ALG13: variants seen among roughly 807,000 people sequenced by gnomAD.
The protein encoded by ALG13 is UDP-N-acetylglucosamine transferase subunit ALG13.
ALG13 carries 11 observed loss-of-function variants against 87.8 expected under a neutral mutation model. That is an observed-to-expected ratio of 0.13 (90% confidence interval 0.08 to 0.21). ALG13 has a LOEUF of 0.21. ALG13 is among the 10% of genes least tolerant of loss of function. The probability of loss-of-function intolerance (pLI) is 1.00; values close to 1 mark genes in which losing one functional copy is unlikely to be tolerated. For missense variants in ALG13, 756 were observed against 866.1 expected, an observed-to-expected ratio of 0.87 and a Z score of 1.60; for synonymous variants, 320 against 306.3, an observed-to-expected ratio of 1.04 and a Z score of -0.47.
chrX:111,758,889 C>G (rs1334693189), intron 26 of ALG13, among the ~76,000 whole-genome samples: 1 of 111,570 alleles, frequency 9.0e-6, no homozygotes, highest in African/African-American at 3.3e-5. Flanking sequence ...CACCTGAGGT[C>G]AGGAGTTCGT....
At chrX:111,723,976 C>T in intron 14 of ALG13, 78 bp downstream of exon 14, 2 of 630,915 alleles carry the variant, frequency 3.2e-6, no homozygotes, top group Non-Finnish European at 4.8e-6. Context: ...TTGAGAATTA[C>T]CAGGATGCTA....
At chrX:111,698,262 G>A (rs1474718839) in intron 3 of ALG13, among the ~76,000 whole-genome samples, 1 of 111,884 alleles carries the variant, frequency 8.9e-6, no homozygotes, top group Non-Finnish European at 1.9e-5. Context: ...CGTCACAATT[G>A]TATATGCATT....
At chrX:111,689,421 T>A in intron 3 of ALG13, 1 of 752,931 alleles carries the variant, frequency 1.3e-6, no homozygotes, top group Non-Finnish European at 1.6e-6. Context: ...AGGCAAGGTC[T>A]ACTCAAATAT....
At chrX:111,689,322 AC>A (rs1284155011) in intron 3 of ALG13, 2 of 753,531 alleles carry the variant, frequency 2.7e-6, no homozygotes, top group African/African-American at 2.3e-5. Context: ...CCTCATAAAT[AC>A]GTTTTTCTCA....
chrX:111,730,224 A>G (rs1942523511), intron 19 of ALG13, among the ~76,000 whole-genome samples, 171 bp from the exon 20 acceptor site: 1 of 112,389 alleles, frequency 8.9e-6, no homozygotes, highest in Non-Finnish European at 1.9e-5. Context: ...CTGTGGCTTC[A>G]ATATCTGTTG....
chrX:111,685,999 T>C, intron 3 of ALG13: 2 of 362,242 alleles, frequency 5.5e-6, no homozygotes, highest in Non-Finnish European at 8.7e-6. Context: ...TATTCATGTT[T>C]ATTGAGAAGC....
At chrX:111,711,518 G>C (rs1043221255) in intron 5 of ALG13, among the ~76,000 whole-genome samples, 157 bp from the exon 6 acceptor site, 1 of 112,057 alleles carries the variant, frequency 8.9e-6, no homozygotes, top group South Asian at 3.6e-4. Context: ...CATGACTTTT[G>C]TGTATGTGCA....
chrX:111,752,701 C>A, intron 24 of ALG13, 89 bp from the exon 25 acceptor site: 2 of 633,177 alleles, frequency 3.2e-6, no homozygotes, highest in Non-Finnish European at 5.0e-6. Flanking sequence ...CAGGCATGAG[C>A]CACCGTGCCC....
intron 25 of ALG13, 123 bp downstream of exon 25, chrX:111,752,953 C>T: frequency 4.3e-6 from 2 of 468,330 alleles, no homozygotes; most frequent in Non-Finnish European, 7.2e-6. Context: ...TTAATTCTGT[C>T]TAAGAGATCT....
At chrX:111,728,953 A>G (rs1246212542) in intron 19 of ALG13, among the ~76,000 whole-genome samples, 1 of 111,762 alleles carries the variant, frequency 8.9e-6, no homozygotes, top group African/African-American at 3.3e-5. Context: ...TTGAGATATA[A>G]TTTACATATC....
chrX:111,681,420 C>A, intron 1 of ALG13, 121 bp downstream of exon 1: 1 of 1,151,798 alleles, frequency 8.7e-7, no homozygotes, highest in Non-Finnish European at 1.1e-6. Context: ...GCAACTCTAC[C>A]ACAGGTGCCG....
At chrX:111,707,235 A>G (rs893472516) in intron 3 of ALG13, among the ~76,000 whole-genome samples, 1 of 112,377 alleles carries the variant, frequency 8.9e-6, no homozygotes, top group Non-Finnish European at 1.9e-5. Context: ...CTCATACTCT[A>G]CCATACCATT....
intron 8 of ALG13, among the ~76,000 whole-genome samples, chrX:111,715,260 T>C (rs1442313096): frequency 8.9e-6 from 1 of 112,024 alleles, no homozygotes; most frequent in East Asian, 2.8e-4. Flanking sequence ...GGTATTTTCA[T>C]GTACAGGATA....
intron 23 of ALG13, among the ~76,000 whole-genome samples, chrX:111,739,433 G>A (rs1187943249): frequency 8.9e-6 from 1 of 112,102 alleles, no homozygotes; most frequent in Non-Finnish European, 1.9e-5. Flanking sequence ...GTACATACTT[G>A]AAACAGCACC....
chrX:111,707,940 A>G (rs993477867), intron 3 of ALG13, 87 bp from the exon 4 acceptor site: 2 of 921,455 alleles, frequency 2.2e-6, no homozygotes, highest in South Asian at 2.5e-5. Flanking sequence ...AGGTAACTCT[A>G]AGTACTTTCT....
chrX:111,715,684 C>G (rs891887463), intron 8 of ALG13, among the ~76,000 whole-genome samples: 1 of 112,499 alleles, frequency 8.9e-6, no homozygotes, highest in Admixed American at 9.4e-5. Context: ...CGCCGCTGCA[C>G]TCCAGCCTGG....
At chrX:111,754,225 C>A (rs771938150) in intron 25 of ALG13, among the ~76,000 whole-genome samples, 1 of 111,502 alleles carries the variant, frequency 9.0e-6, no homozygotes, top group Non-Finnish European at 1.9e-5. Flanking sequence ...ATTCAGCACC[C>A]CTTCATGCTA....
chrX:111,687,362 G>T (rs1371719782), intron 3 of ALG13, among the ~76,000 whole-genome samples: 1 of 112,512 alleles, frequency 8.9e-6, no homozygotes, highest in Non-Finnish European at 1.9e-5. Context: ...CGATGTAATG[G>T]TTCTATGTTT....
intron 3 of ALG13, chrX:111,689,242 T>C: frequency 1.3e-6 from 1 of 750,559 alleles, no homozygotes; most frequent in Non-Finnish European, 1.6e-6. Context: ...ATCATAATTG[T>C]ATATCAATGT....
Sources: allele counts gnomAD v4.1 joint callset (sites outside exome capture counted in the v4.1 genomes callset), GRCh38; gene constraint gnomAD v4.1.1; transcripts MANE v1.5; gene names NCBI Gene and HGNC (gene_info 2026-07-23, HGNC 2026-07-21).